The following RBMS3 variants were observed in gnomAD, a reference collection of about 807,000 sequenced individuals.
RBMS3 encodes RNA binding motif single stranded interacting protein 3, also known as RNA-binding motif, single-stranded-interacting protein 3.
Under a neutral mutation model 66.8 loss-of-function variants are expected in RBMS3, and 27 were observed. The observed-to-expected ratio is 0.40, with a 90% CI of 0.30 to 0.56. RBMS3 has a LOEUF of 0.56. Among genes scored for constraint, RBMS3 ranks in the 20% least tolerant of loss-of-function variants. The pLI is 0.40. For synonymous variants in RBMS3, 188 were observed against 183.0 expected, an observed-to-expected ratio of 1.03 and a Z score of -0.22; for missense variants, 513 against 549.5, an observed-to-expected ratio of 0.93 and a Z score of 0.66.
At position 29,995,388 on chromosome 3, in the gene RBMS3, C is replaced by G. The variant is rs575023465; in HGVS notation, c.1307+4179C>G. 2.0e-3 allele frequency among the ~76,000 whole-genome samples: 297 copies of G among 152,248 alleles called. 1 individual carries two copies. Among genetic ancestry groups the G allele is most frequent in the African/African-American group, 6.8e-3 (283 of 41,526 alleles). ...TCCCCCATCTAGCAAGGCAGGCCAA[C>G]GTTCAGATTCAGGAAATACAGAGAA... On this transcript the variant is annotated intron_variant, in intron 14 of 14. Coordinates refer to ENST00000383767, the MANE Select transcript of RBMS3 (RefSeq NM_001003793.3).
chr3:29,796,450 T>A (rs1422639878), intron 6 of RBMS3, among the ~76,000 whole-genome samples: 1 of 152,190 alleles, frequency 6.6e-6, no homozygotes, highest in Admixed American at 6.5e-5. Context: ...GCATCTAGAA[T>A]GATGAATTCC....
intron 1 of RBMS3, among the ~76,000 whole-genome samples, chr3:29,377,175 T>C (rs559216008): frequency 4.1e-4 from 63 of 152,270 alleles, no homozygotes; most frequent in Admixed American, 7.2e-4. Flanking sequence ...GGGTCTTTTG[T>C]TGACTTCTTC....
chr3:29,824,842 A>G (rs1475067170), intron 6 of RBMS3, among the ~76,000 whole-genome samples: 1 of 152,222 alleles, frequency 6.6e-6, no homozygotes, highest in Non-Finnish European at 1.5e-5. Flanking sequence ...ACTGATTGCT[A>G]GTGAACCAAG....
chr3:29,404,908 A>G (rs1370806563), intron 1 of RBMS3, among the ~76,000 whole-genome samples: 1 of 152,160 alleles, frequency 6.6e-6, no homozygotes, highest in Non-Finnish European at 1.5e-5. Flanking sequence ...ATAGTCTTGC[A>G]TAGGAATTTA....
chr3:29,466,682 A>G (rs1355902581), intron 2 of RBMS3, among the ~76,000 whole-genome samples: 1 of 152,198 alleles, frequency 6.6e-6, no homozygotes, highest in Non-Finnish European at 1.5e-5. Context: ...AACCTACTTA[A>G]GGAAGCAGGA....
chr3:29,943,246 A>C (rs1162516283), intron 11 of RBMS3, among the ~76,000 whole-genome samples: 1 of 151,854 alleles, frequency 6.6e-6, no homozygotes, highest in Non-Finnish European at 1.5e-5. Flanking sequence ...TAAGAGTCAC[A>C]CAAGAGGACC....
chr3:29,732,157 C>T (rs1182160802), intron 4 of RBMS3, among the ~76,000 whole-genome samples: 1 of 152,040 alleles, frequency 6.6e-6, no homozygotes, highest in Non-Finnish European at 1.5e-5. Flanking sequence ...CTTCTGTTGG[C>T]AGCTGGAGTC....
intron 12 of RBMS3, among the ~76,000 whole-genome samples, chr3:29,952,681 T>A (rs1281511075): frequency 6.6e-6 from 1 of 151,886 alleles, no homozygotes; most frequent in Non-Finnish European, 1.5e-5. Context: ...TGATATAACT[T>A]CTAAGTGCTT....
At chr3:29,694,863 A>T (rs5001799) in intron 4 of RBMS3, among the ~76,000 whole-genome samples, 67,990 of 133,226 alleles carry the variant, frequency 0.51, 15,785 homozygotes, top group South Asian at 0.55. Context: ...TTTTTTTTTA[A>T]AAAAAAAATA....
intron 2 of RBMS3, among the ~76,000 whole-genome samples, chr3:29,472,412 T>C (rs1469005087): frequency 6.6e-6 from 1 of 152,110 alleles, no homozygotes; most frequent in East Asian, 1.9e-4. Flanking sequence ...ATCAGACTGG[T>C]CTTGAACTCC....
Position 29,539,731 on chromosome 3 carries a change from G to A in RBMS3, c.308-47383G>A, listed in dbSNP as rs548225281. On this transcript the variant is annotated intron_variant, in intron 3 of 14. Coordinates refer to ENST00000383767, the MANE Select transcript of RBMS3 (RefSeq NM_001003793.3). ...GAAATGTTATTCTATTTTTCCCCAG[G>A]AGTTATTAAAGACTGACAAGACATC... Among the ~76,000 whole-genome samples, 8 of 152,064 alleles carry A rather than the reference G, an allele frequency of 5.3e-5. No individual in the cohort carries two copies. In the South Asian group the frequency reaches 8.3e-4, roughly 16 times the overall value.
intron 1 of RBMS3, among the ~76,000 whole-genome samples, chr3:29,382,418 T>C (rs568527128): frequency 5.9e-5 from 9 of 152,338 alleles, no homozygotes; most frequent in South Asian, 4.1e-4. Flanking sequence ...GATTTCTTCC[T>C]CAACGCTTAC....
At chr3:29,827,812 C>T (rs981144143) in intron 6 of RBMS3, among the ~76,000 whole-genome samples, 1 of 152,114 alleles carries the variant, frequency 6.6e-6, no homozygotes, top group African/African-American at 2.4e-5. Flanking sequence ...AACTGAGAGT[C>T]AGCAAGATGG....
chr3:29,361,611 G>A (rs564783072), intron 1 of RBMS3, among the ~76,000 whole-genome samples: 1 of 152,306 alleles, frequency 6.6e-6, no homozygotes, highest in South Asian at 2.1e-4. Context: ...CTAGGTTGGG[G>A]AAGTTCTCCT....
Position 29,829,439 on chromosome 3 carries a change from G to A in RBMS3, c.638-39419G>A, listed in dbSNP as rs2058303462. 4.6e-5 allele frequency among the ~76,000 whole-genome samples: 7 copies of A among 152,256 alleles called. No homozygotes were observed. In the South Asian group the frequency reaches 1.5e-3, roughly 32 times the overall value. ...TGAACATACTGCTATTATAAAAATA[G>A]ATATATTTTCCATCTCTCTGGTGGC... On this transcript the variant is annotated intron_variant, in intron 6 of 14. Coordinates refer to ENST00000383767, the MANE Select transcript of RBMS3 (RefSeq NM_001003793.3).
intron 3 of RBMS3, among the ~76,000 whole-genome samples, chr3:29,553,454 G>A (rs1184469973): frequency 6.6e-6 from 1 of 152,072 alleles, no homozygotes; most frequent in Admixed American, 6.6e-5. Context: ...TTAGACAGAG[G>A]GGATCAGGTC....
At chr3:29,504,634 G>A (rs974403861) in intron 3 of RBMS3, among the ~76,000 whole-genome samples, 1 of 151,892 alleles carries the variant, frequency 6.6e-6, no homozygotes, top group Non-Finnish European at 1.5e-5. Flanking sequence ...GGATGATATG[G>A]TAGTTCTATT....
intron 12 of RBMS3, among the ~76,000 whole-genome samples, chr3:29,965,828 T>C (rs940979441): frequency 6.6e-6 from 1 of 152,128 alleles, no homozygotes; most frequent in Admixed American, 6.5e-5. Context: ...GAAGGGTTTT[T>C]CCAATATTCT....
At chr3:29,431,386 G>A (rs577366797) in intron 1 of RBMS3, among the ~76,000 whole-genome samples, 13 of 147,426 alleles carry the variant, frequency 8.8e-5, no homozygotes, top group Admixed American at 4.2e-4. Flanking sequence ...TCTGACTCTC[G>A]GGTTCAAGTG....
Sources: gnomAD v4.1 joint callset for allele counts (sites outside exome capture counted in the v4.1 genomes callset) on GRCh38, gnomAD v4.1.1 for gene constraint, MANE v1.5 for transcripts, NCBI Gene and HGNC (gene_info 2026-07-23, HGNC 2026-07-21) for gene names.